KIF3B: variants seen among roughly 807,000 people sequenced by gnomAD.
The protein encoded by KIF3B is kinesin-like protein KIF3B.
A neutral mutation model predicts 74.3 loss-of-function variants in KIF3B; 38 were observed. The observed-to-expected ratio is 0.51, with a 90% CI of 0.39 to 0.67. KIF3B has a LOEUF of 0.67. Among genes scored for constraint, KIF3B ranks in the 30% least tolerant of loss-of-function variants. The probability of loss-of-function intolerance (pLI) is 0.00; values close to 1 mark genes in which losing one functional copy is unlikely to be tolerated. For missense variants in KIF3B, 649 were observed against 932.0 expected (o/e 0.70, Z 3.95); for synonymous variants, 326 against 342.5 (o/e 0.95, Z 0.53).
intron 1 of KIF3B, among the ~76,000 whole-genome samples, chr20:32,280,714 C>CAAAAAAAAAA (rs34366324): frequency 1.6e-4 from 8 of 51,348 alleles, no homozygotes; most frequent in Admixed American, 3.0e-4. Context: ...GACTCCGTCT[C>CAAAAAAAAAA]AAAAAAAAAA....
intron 5 of KIF3B, among the ~76,000 whole-genome samples, chr20:32,317,641 G>GTT (rs1246559281): frequency 2.4e-4 from 33 of 139,896 alleles, no homozygotes; most frequent in African/African-American, 7.3e-4. Context: ...GATCACAGTG[G>GTT]TTTTTTTTTT....
intron 5 of KIF3B, among the ~76,000 whole-genome samples, chr20:32,321,048 TAC>T (rs1370624093): frequency 6.6e-6 from 1 of 152,152 alleles, no homozygotes; most frequent in Non-Finnish European, 1.5e-5. Flanking sequence ...GGGTTTCAAG[TAC>T]AGTGTTTTGG....
chr20:32,316,490 T>C (rs1345260477), intron 3 of KIF3B, 37 bp from the exon 4 acceptor site: 1 of 1,612,974 alleles, frequency 6.2e-7, no homozygotes, highest in Admixed American at 1.7e-5. Flanking sequence ...AGACACAGTC[T>C]CTAGGGCAAG....
Position 32,334,405 on chromosome 20 carries a change from C to T in KIF3B, c.*3086C>T, listed in dbSNP as rs918329286. 6 of 152,598 alleles carry T rather than the reference C, an allele frequency of 3.9e-5. No homozygotes were observed. The highest frequency in any genetic ancestry group is 1.2e-4 in the African/African-American group (5 of 41,438). 9.5% of individuals were successfully genotyped at this position (152,598 alleles called of 1,614,324 possible). A position where few individuals can be genotyped will look rare whatever the true frequency, so the allele number is the denominator to read the frequency against. ...GGGCGCCAGAGTGCTGCAACTGGGG[C>T]GTGGGCCGCTCTCTGCTTTTCCTGT... On this transcript the variant is annotated 3_prime_UTR_variant, in exon 9 of 9. Transcript: ENST00000375712.
At chr20:32,307,771 T>C (rs1378810111) in intron 1 of KIF3B, among the ~76,000 whole-genome samples, 1 of 151,946 alleles carries the variant, frequency 6.6e-6, no homozygotes, top group African/African-American at 2.4e-5. Flanking sequence ...CACAAAAAAT[T>C]AGCTGGGCAT....
At position 32,309,725 on chromosome 20, in the gene KIF3B, C is replaced by T; in HGVS notation, c.-53C>T. 2 of 1,569,858 alleles carry T rather than the reference C, an allele frequency of 1.3e-6. No individual in the cohort carries two copies. The highest frequency in any genetic ancestry group is 1.7e-6 in the Non-Finnish European group (2 of 1,157,676). ...GCTTTTTCTCTAGGACCGTAGCATC[C>T]TGAGACATTTTGAATTGACACTTCT... is the stretch of plus-strand genomic sequence containing the variant. On this transcript the variant is annotated 5_prime_UTR_variant, in exon 2 of 9. Coordinates refer to ENST00000375712, the MANE Select transcript of KIF3B (RefSeq NM_004798.4).
intron 5 of KIF3B, among the ~76,000 whole-genome samples, chr20:32,321,706 C>T (rs770743378): frequency 6.6e-6 from 1 of 152,130 alleles, no homozygotes; most frequent in Non-Finnish European, 1.5e-5. Flanking sequence ...ACAGATATTA[C>T]ATTTTCTACA....
intron 1 of KIF3B, among the ~76,000 whole-genome samples, chr20:32,294,347 G>T (rs1030517482): frequency 1.3e-5 from 2 of 152,074 alleles, no homozygotes; most frequent in African/African-American, 4.8e-5. Context: ...ACGTTTTTAG[G>T]TTTCTTTCCG....
intron 6 of KIF3B, 87 bp from the exon 7 acceptor site, chr20:32,327,469 T>G: frequency 2.0e-6 from 2 of 1,019,052 alleles, no homozygotes; most frequent in Non-Finnish European, 1.5e-6. Flanking sequence ...GTCCAGGGAG[T>G]TACTTGCTTC....
chr20:32,280,301 G>A lies in KIF3B; in HGVS notation c.-66+2536G>A, dbSNP rs887925771. On this transcript the variant is annotated intron_variant, in intron 1 of 8. Transcript: ENST00000375712. ...TAAAGTATGTGATAATACCAGGTCCGTCAACCATAATGTCATTGCAAGCAT... is the reference window on the plus strand; with the variant it reads ...TAAAGTATGTGATAATACCAGGTCCATCAACCATAATGTCATTGCAAGCAT... 7.2e-5 allele frequency among the ~76,000 whole-genome samples: 11 copies of A among 152,230 alleles called. 1 individual carries two copies. The highest frequency in any genetic ancestry group is 1.9e-4 in the East Asian group (1 of 5,186).
Position 32,330,133 on chromosome 20 carries a change from T to C in KIF3B, c.1969-8T>C. 1 of 1,610,600 alleles carries C rather than the reference T, an allele frequency of 6.2e-7. No individual in the cohort carries two copies. Among genetic ancestry groups the C allele is most frequent in the Non-Finnish European group, 8.5e-7 (1 of 1,178,200 alleles). On this transcript the variant is annotated splice_polypyrimidine_tract_variant and splice_region_variant and intron_variant, in intron 7 of 8. Transcript: ENST00000375712. The stretch of plus-strand genomic sequence containing the variant: ...CTAACCTAGCTGGTGATGGCTGTGC[T>C]TCTGCAGGCAGAAAACATTGTGCTG...
intron 1 of KIF3B, among the ~76,000 whole-genome samples, chr20:32,297,389 TAC>T (rs1157009845): frequency 1.3e-5 from 2 of 152,158 alleles, no homozygotes; most frequent in African/African-American, 4.8e-5. Flanking sequence ...ATTTGGAAAA[TAC>T]AGAAATGTTG....
intron 5 of KIF3B, among the ~76,000 whole-genome samples, chr20:32,324,900 A>T (rs905869246): frequency 1.3e-5 from 2 of 152,062 alleles, no homozygotes; most frequent in African/African-American, 2.4e-5. Flanking sequence ...GCATGGAGAC[A>T]TGTGTCTATA....
intron 1 of KIF3B, among the ~76,000 whole-genome samples, chr20:32,298,810 C>T (rs779806350): frequency 6.6e-6 from 1 of 152,024 alleles, no homozygotes; most frequent in Non-Finnish European, 1.5e-5. Context: ...AGGTAGTAGG[C>T]CACCACACTG....
intron 1 of KIF3B, among the ~76,000 whole-genome samples, chr20:32,299,403 A>ATTTTTTTTT (rs11473044): frequency 5.5e-4 from 5 of 9,026 alleles, no homozygotes; most frequent in Non-Finnish European, 6.9e-4. Flanking sequence ...ATATATATAT[A>ATTTTTTTTT]TTTTTTTTTT....
chr20:32,326,764 C>A lies in KIF3B; in HGVS notation c.1749-7C>A. ...TCTGTTTTCACCTGTTATGTGTGCT[C>A]TTACAGGCATCTTATTATAGAAAAC... On this transcript the variant is annotated splice_region_variant and splice_polypyrimidine_tract_variant and intron_variant, in intron 5 of 8. Transcript: ENST00000375712. 9.0e-7 allele frequency: 1 copy of A among 1,109,964 alleles called. No individual in the cohort carries two copies. The highest frequency in any genetic ancestry group is 1.4e-6 in the Non-Finnish European group (1 of 733,960). 68.8% of individuals were successfully genotyped at this position (1,109,964 alleles called of 1,614,324 possible).
In KIF3B at chr20:32,304,972, C is replaced by T. The variant is rs143432612; in HGVS notation, c.-65-4741C>T. ...CCTGGCCAACATGGCAAAACCCTGT[C>T]TCTACTAAAAAAAAAAAATACAGAA... On this transcript the variant is annotated intron_variant, in intron 1 of 8. Transcript: ENST00000375712. Among the ~76,000 whole-genome samples, 912 of 151,536 alleles carry T rather than the reference C, an allele frequency of 6.0e-3. 6 individuals carry two copies. Among genetic ancestry groups the T allele is most frequent in the Non-Finnish European group, 9.6e-3 (650 of 67,878 alleles).
chr20:32,305,214 T>TA (rs377419321), intron 1 of KIF3B, among the ~76,000 whole-genome samples: 214 of 151,576 alleles, frequency 1.4e-3, no homozygotes, highest in African/African-American at 4.9e-3. Context: ...TCCCTGCACT[T>TA]AGTCAGGTGT....
intron 5 of KIF3B, among the ~76,000 whole-genome samples, chr20:32,325,996 C>G (rs887949642): frequency 2.6e-5 from 4 of 152,022 alleles, no homozygotes; most frequent in Non-Finnish European, 5.9e-5. Flanking sequence ...TTTGAGTAAA[C>G]AGTGAGTCAG....
Sources: gnomAD v4.1 joint callset for allele counts (sites outside exome capture counted in the v4.1 genomes callset) on GRCh38, gnomAD v4.1.1 for gene constraint, MANE v1.5 for transcripts, NCBI Gene and HGNC (gene_info 2026-07-23, HGNC 2026-07-21) for gene names.